The following NTRK3 variants were observed in gnomAD, a reference collection of about 807,000 sequenced individuals.
The protein encoded by NTRK3 is NT-3 growth factor receptor.
A neutral mutation model predicts 91.7 loss-of-function variants in NTRK3; 24 were observed. The ratio of observed to expected loss-of-function variants is 0.26; its 90% CI spans 0.19 to 0.37. The LOEUF (loss-of-function observed/expected upper bound fraction) is 0.37, where lower values mean the gene tolerates loss of function less well. Ranked by LOEUF, NTRK3 falls within the 10% of genes least tolerant of loss-of-function variation. The pLI is 1.00. For synonymous variants in NTRK3, 483 were observed against 404.0 expected (o/e 1.20, Z -2.34); for missense variants, 880 against 1,068.9 (o/e 0.82, Z 2.46).
chr15:88,206,612 T>C (rs1420922135), intron 3 of NTRK3, among the ~76,000 whole-genome samples: 1 of 143,432 alleles, frequency 7.0e-6, no homozygotes, highest in South Asian at 2.3e-4. Context: ...GAGCCGAGAT[T>C]GCGCCACTGC....
chr15:88,038,662 C>G (rs1437913493), intron 13 of NTRK3, among the ~76,000 whole-genome samples: 1 of 152,106 alleles, frequency 6.6e-6, no homozygotes, highest in Non-Finnish European at 1.5e-5. Context: ...AATCTCTGTA[C>G]CTTTTACTTG....
intron 6 of NTRK3, among the ~76,000 whole-genome samples, chr15:88,140,784 G>C (rs1306336029): frequency 6.6e-6 from 1 of 152,132 alleles, no homozygotes; most frequent in Admixed American, 6.5e-5. Flanking sequence ...CTCCTGAAAA[G>C]GTCTTAGGGC....
chr15:88,039,738 A>G (rs1164692174), intron 13 of NTRK3, among the ~76,000 whole-genome samples: 3 of 152,172 alleles, frequency 2.0e-5, no homozygotes, highest in Non-Finnish European at 2.9e-5. Flanking sequence ...GAAAAGATAC[A>G]CCCACCAGCA....
chr15:87,880,428 C>T (rs766284968), exon 18 of NTRK3: 3 of 1,614,040 alleles, frequency 1.9e-6, no homozygotes, highest in Non-Finnish European at 2.5e-6. Flanking sequence ...TGTCCTCCCA[C>T]CTAAAAGGGG....
intron 14 of NTRK3, among the ~76,000 whole-genome samples, chr15:87,958,406 T>C (rs2071896988): frequency 6.6e-6 from 1 of 152,096 alleles, no homozygotes; most frequent in African/African-American, 2.4e-5. Context: ...ACTTGTGAAA[T>C]CCAGCATCGT....
At chr15:88,103,200 A>C (rs2050354697) in intron 13 of NTRK3, among the ~76,000 whole-genome samples, 1 of 152,144 alleles carries the variant, frequency 6.6e-6, no homozygotes, top group Non-Finnish European at 1.5e-5. Flanking sequence ...TATACATGTG[A>C]TTAGTACCCA....
At chr15:88,045,580 C>T (rs1024780954) in intron 13 of NTRK3, among the ~76,000 whole-genome samples, 1 of 152,192 alleles carries the variant, frequency 6.6e-6, no homozygotes, top group Non-Finnish European at 1.5e-5. Flanking sequence ...GCCATAACAA[C>T]CACAACAAAA....
At chr15:88,059,691 G>A (rs939529483) in intron 13 of NTRK3, among the ~76,000 whole-genome samples, 31 of 152,126 alleles carry the variant, frequency 2.0e-4, no homozygotes, top group Non-Finnish European at 4.4e-4. Context: ...ATGGTCGGGG[G>A]ATAAAGAGGA....
At chr15:87,960,056 T>C (rs569217341) in intron 14 of NTRK3, among the ~76,000 whole-genome samples, 3 of 152,278 alleles carry the variant, frequency 2.0e-5, no homozygotes, top group Admixed American at 1.3e-4. Context: ...TGTAGAGCAG[T>C]TGAGTTCAGC....
At chr15:87,865,609 T>A (rs897506267) in exon 19 of NTRK3, 3 of 217,352 alleles carry the variant, frequency 1.4e-5, no homozygotes, top group Admixed American at 5.8e-5. Context: ...CCCTGAAAAA[T>A]TAGTTATACC....
At chr15:88,205,647 G>A (rs2048685036) in intron 3 of NTRK3, among the ~76,000 whole-genome samples, 1 of 152,162 alleles carries the variant, frequency 6.6e-6, no homozygotes, top group African/African-American at 2.4e-5. Context: ...GCTATCCTAA[G>A]CCCCCAAAAC....
intron 5 of NTRK3, among the ~76,000 whole-genome samples, chr15:88,156,282 G>A (rs1347753427): frequency 6.6e-6 from 1 of 152,186 alleles, no homozygotes; most frequent in African/African-American, 2.4e-5. Context: ...GCCATGTGCT[G>A]AGGAGGTGGA....
chr15:88,230,604 T>C (rs1273393455), intron 3 of NTRK3, among the ~76,000 whole-genome samples: 1 of 152,212 alleles, frequency 6.6e-6, no homozygotes, highest in Non-Finnish European at 1.5e-5. Flanking sequence ...TTATTATTAA[T>C]AATCATGTAC....
At chr15:88,197,832 C>CT (rs1308455049) in intron 3 of NTRK3, among the ~76,000 whole-genome samples, 1 of 152,168 alleles carries the variant, frequency 6.6e-6, no homozygotes, top group East Asian at 1.9e-4. Context: ...ATCATGCCGT[C>CT]TCCCCTCTGG....
rs1000100066 is a variant in NTRK3, at chr15:88,212,095, A to C, written c.249-27796T>G. Among the ~76,000 whole-genome samples, 3 of 152,350 alleles carry C rather than the reference A, an allele frequency of 2.0e-5. No homozygotes were observed. In the East Asian group the frequency reaches 5.8e-4, roughly 29 times the overall value. ...ATTTAAAGTCTCTAACAGGCCGGGC[A>C]CGGTGGCTCACACCTGTAATCCCAG... is the stretch of plus-strand genomic sequence containing the variant. On this transcript the variant is annotated intron_variant, in intron 3 of 18. Transcript: ENST00000394480.
chr15:88,087,126 C>T (rs1402109151), intron 13 of NTRK3, among the ~76,000 whole-genome samples: 3 of 152,214 alleles, frequency 2.0e-5, no homozygotes, highest in African/African-American at 4.8e-5. Flanking sequence ...TGATGTGAGG[C>T]GAATATAACA....
chr15:87,860,882 A>G (rs2141368729), exon 19 of NTRK3: 1 of 220,964 alleles, frequency 4.5e-6, no homozygotes, highest in South Asian at 1.8e-4. Context: ...AATAAAGGGC[A>G]TAAGATCCAG....
chr15:87,909,446 T>G (rs1305813278), intron 17 of NTRK3, among the ~76,000 whole-genome samples: 2 of 152,076 alleles, frequency 1.3e-5, no homozygotes, highest in Non-Finnish European at 2.9e-5. Context: ...GGCAGATTCA[T>G]GAAGTAACAT....
At position 87,982,156 on chromosome 15, in the gene NTRK3, G is replaced by A. The variant is rs187144016; in HGVS notation, c.1586-41403C>T. ...ACATGAGCCCTTTCCCATATGAGCC[G>A]GGATCTGAAGTTTGTTTTCTCTGGA... On this transcript the variant is annotated intron_variant, in intron 14 of 18. Coordinates refer to ENST00000394480, the Ensembl canonical transcript of NTRK3. Among the ~76,000 whole-genome samples the A allele has an allele frequency of 5.3e-5, 8 of 152,260 alleles. No homozygotes were observed. In the South Asian group the frequency reaches 6.2e-4, roughly 12 times the overall value.
Sources: allele counts gnomAD v4.1 joint callset (sites outside exome capture counted in the v4.1 genomes callset), GRCh38; gene constraint gnomAD v4.1.1; transcripts MANE v1.5; gene names NCBI Gene and HGNC (gene_info 2026-07-23, HGNC 2026-07-21).